Variants in FAT3 observed in about 807,000 individuals in gnomAD.
FAT3 encodes protocadherin Fat 3.
Under a neutral mutation model 310.2 loss-of-function variants are expected in FAT3, and 95 were observed. That is an observed-to-expected ratio of 0.31 (90% CI 0.26 to 0.36). The LOEUF (loss-of-function observed/expected upper bound fraction) is 0.36, where lower values mean the gene tolerates loss of function less well. Among genes scored for constraint, FAT3 ranks in the 10% least tolerant of loss-of-function variants. The pLI is 1.00. For missense variants in FAT3, 5,408 were observed against 5,715.6 expected, an observed-to-expected ratio of 0.95 and a Z score of 1.74; for synonymous variants, 2,314 against 2,192.9, an observed-to-expected ratio of 1.06 and a Z score of -1.54.
chr11:92,655,713 G>A (rs1321079142), intron 3 of FAT3, among the ~76,000 whole-genome samples: 1 of 152,034 alleles, frequency 6.6e-6, no homozygotes, highest in Non-Finnish European at 1.5e-5. Context: ...CTTGAATATG[G>A]CTCTTACCCA....
At chr11:92,793,091 CTT>C in intron 9 of FAT3, 114 bp downstream of exon 9, 6 of 1,106,110 alleles carry the variant, frequency 5.4e-6, no homozygotes, top group Non-Finnish European at 7.7e-6. Flanking sequence ...TCTAAATGAA[CTT>C]TTTTGGCCAA....
intron 3 of FAT3, among the ~76,000 whole-genome samples, chr11:92,623,244 C>T (rs1035214698): frequency 6.7e-6 from 1 of 148,372 alleles, no homozygotes; most frequent in Middle Eastern, 3.4e-3. Context: ...GGTATGCTTC[C>T]CCCAGTGACC....
intron 3 of FAT3, among the ~76,000 whole-genome samples, chr11:92,560,309 G>C (rs1209997835): frequency 2.6e-5 from 4 of 152,030 alleles, no homozygotes; most frequent in African/African-American, 9.7e-5. Context: ...TTATTAGTGA[G>C]TTGTAATAGT....
intron 1 of FAT3, among the ~76,000 whole-genome samples, chr11:92,254,504 A>T (rs935598006): frequency 1.3e-5 from 2 of 152,148 alleles, no homozygotes; most frequent in African/African-American, 4.8e-5. Context: ...CATTTGAGAA[A>T]ATTAGGACAT....
chr11:92,711,013 A>G (rs1315935625), intron 4 of FAT3, among the ~76,000 whole-genome samples: 2 of 152,230 alleles, frequency 1.3e-5, no homozygotes, highest in Non-Finnish European at 2.9e-5. Flanking sequence ...ATCATATATG[A>G]TACATGTTCA....
intron 1 of FAT3, among the ~76,000 whole-genome samples, chr11:92,317,370 G>A (rs889510683): frequency 6.6e-6 from 1 of 152,132 alleles, no homozygotes; most frequent in Non-Finnish European, 1.5e-5. Flanking sequence ...AAAACCAAAG[G>A]ATTTGGTTGT....
Position 92,840,592 on chromosome 11 carries a change from C to A in FAT3, c.10399C>A (p.Gln3467Lys), listed in dbSNP as rs756899946. The A allele has an allele frequency of 6.2e-7, 1 of 1,601,158 alleles. No homozygotes were observed. Among genetic ancestry groups the A allele is most frequent in the Admixed American group, 1.7e-5 (1 of 59,744 alleles). The change falls in exon 18 of 28, where the codon CAG becomes AAG. Residue 3467 changes from glutamine to lysine, a missense_variant. Coordinates refer to ENST00000525166, the MANE Select transcript of FAT3 (RefSeq NM_001367949.2). Reference sequence around the variant, plus strand: ...TAAGCCAGTGGGCACCAGCATCTTGCAGCTGGTGGTGACAGACAGAGACTC... The same window carrying A: ...TAAGCCAGTGGGCACCAGCATCTTGAAGCTGGTGGTGACAGACAGAGACTC... ...ENKPVGTSIL[Q>K]LVVTDRDSFH...
intron 2 of FAT3, among the ~76,000 whole-genome samples, chr11:92,473,751 G>GA (rs1226937676): frequency 6.6e-6 from 1 of 152,138 alleles, no homozygotes; most frequent in Non-Finnish European, 1.5e-5. Flanking sequence ...CTCTCACAGA[G>GA]AAAAAGACCT....
intron 4 of FAT3, among the ~76,000 whole-genome samples, chr11:92,743,687 C>T (rs1945572275): frequency 6.6e-6 from 1 of 152,186 alleles, no homozygotes; most frequent in Non-Finnish European, 1.5e-5. Context: ...TCCTTCAAAA[C>T]TCATGTTGAA....
At chr11:92,290,067 C>G (rs1469753204) in intron 1 of FAT3, among the ~76,000 whole-genome samples, 2 of 152,028 alleles carry the variant, frequency 1.3e-5, no homozygotes, top group Admixed American at 6.6e-5. Context: ...TTGCTTTGGC[C>G]GTATCTTCAG....
At chr11:92,649,595 T>C (rs1942294469) in intron 3 of FAT3, among the ~76,000 whole-genome samples, 1 of 152,088 alleles carries the variant, frequency 6.6e-6, no homozygotes, top group African/African-American at 2.4e-5. Context: ...CAAAGTTGCA[T>C]AGCAGGAGTT....
At chr11:92,758,866 A>G (rs1216840584) in intron 4 of FAT3, among the ~76,000 whole-genome samples, 1 of 152,142 alleles carries the variant, frequency 6.6e-6, no homozygotes, top group African/African-American at 2.4e-5. Context: ...CTAGGATTCT[A>G]GTGTGCACCA....
rs1326733016 is a variant in FAT3 at position 92,883,698 on chromosome 11, G to A, written c.12937+305G>A. The stretch of plus-strand genomic sequence containing the variant: ...CAAAACCCATCCTCTTCTCACAATA[G>A]CGGGCCACTGGTCAAAGTGCAAAAG... On this transcript the variant is annotated intron_variant, in intron 24 of 27. Transcript: ENST00000525166. The surrounding 1 kb of genome is among the most constrained non-coding windows in gnomAD (Gnocchi z 4.2). Among the ~76,000 whole-genome samples the A allele has an allele frequency of 6.6e-6, 1 of 152,146 alleles. No individual in the cohort carries two copies. Among genetic ancestry groups the A allele is most frequent in the African/African-American group, 2.4e-5 (1 of 41,410 alleles).
In FAT3 at chr11:92,580,801, C is replaced by T. The variant is rs958619825; in HGVS notation, c.3607+55853C>T. The stretch of plus-strand genomic sequence containing the variant: ...CTGGCCTTCTCTTGGGGATATGTGG[C>T]TGAATTCCTGCCCCAGCCACCTCAT... On this transcript the variant is annotated intron_variant, in intron 3 of 27. Transcript: ENST00000525166. Among the ~76,000 whole-genome samples, 3 of 152,166 alleles carry T rather than the reference C, an allele frequency of 2.0e-5. No individual in the cohort carries two copies. The East Asian group carries it at 5.8e-4, about 30-fold the overall frequency.
intron 2 of FAT3, among the ~76,000 whole-genome samples, chr11:92,399,361 G>T (rs376990509): frequency 5.9e-5 from 9 of 152,124 alleles, no homozygotes; most frequent in African/African-American, 2.2e-4. Flanking sequence ...TCGGACTAGA[G>T]ATTCCTTTAC....
chr11:92,621,574 G>A (rs1426844479), intron 3 of FAT3, among the ~76,000 whole-genome samples: 1 of 152,138 alleles, frequency 6.6e-6, no homozygotes, highest in Non-Finnish European at 1.5e-5. Flanking sequence ...AATGCCAAAT[G>A]CTGCTGCAAC....
intron 2 of FAT3, among the ~76,000 whole-genome samples, chr11:92,520,662 A>T (rs748488737): frequency 3.9e-5 from 6 of 152,084 alleles, no homozygotes; most frequent in Non-Finnish European, 5.9e-5. Flanking sequence ...ATTAGCTATA[A>T]GAGGATAGGT....
chr11:92,316,589 GTCTA>G (rs1334470113), intron 1 of FAT3, among the ~76,000 whole-genome samples: 3 of 152,182 alleles, frequency 2.0e-5, no homozygotes, highest in South Asian at 2.1e-4. Context: ...CAGCCAAATT[GTCTA>G]TCTATTTTCT....
intron 3 of FAT3, among the ~76,000 whole-genome samples, chr11:92,668,474 T>A (rs1385055706): frequency 3.3e-5 from 5 of 152,154 alleles, no homozygotes; most frequent in Non-Finnish European, 2.9e-5. Flanking sequence ...CTGTGTCACA[T>A]CTTAGTAGAA....
Sources: allele counts gnomAD v4.1 joint callset (sites outside exome capture counted in the v4.1 genomes callset), GRCh38; gene constraint gnomAD v4.1.1; non-coding constraint Gnocchi (gnomAD v3.1); transcripts MANE v1.5; gene names NCBI Gene and HGNC (gene_info 2026-07-23, HGNC 2026-07-21).